Variants in TRIP11 observed in about 807,000 individuals in gnomAD.
TRIP11 encodes the protein thyroid hormone receptor interactor 11, also known as thyroid receptor-interacting protein 11.
TRIP11 carries 148 observed loss-of-function variants against 223.1 expected under a neutral mutation model. The ratio of observed to expected loss-of-function variants is 0.66; its 90% CI spans 0.58 to 0.76. The LOEUF (loss-of-function observed/expected upper bound fraction) is 0.76, where lower values mean the gene tolerates loss of function less well. TRIP11 is among the 30% of genes least tolerant of loss of function. The pLI is 0.00. For synonymous variants in TRIP11, 762 were observed against 772.6 expected (o/e 0.99, Z 0.23); for missense variants, 2,043 against 2,222.0 (o/e 0.92, Z 1.62).
At chr14:92,026,523 T>G in intron 2 of TRIP11, 2 of 1,149,984 alleles carry the variant, frequency 1.7e-6, no homozygotes, top group South Asian at 2.4e-5. Flanking sequence ...GAACTCTCGC[T>G]TTCTTTTTAA....
chr14:91,974,937 G>C (rs1486114665), intron 18 of TRIP11, among the ~76,000 whole-genome samples, 194 bp from the exon 19 acceptor site: 1 of 152,058 alleles, frequency 6.6e-6, no homozygotes, highest in African/African-American at 2.4e-5. Flanking sequence ...GAAAGTCTGG[G>C]GATATTTCAA....
chr14:91,970,832 T>C (rs2056392811), intron 20 of TRIP11, among the ~76,000 whole-genome samples: 1 of 152,224 alleles, frequency 6.6e-6, no homozygotes, highest in East Asian at 1.9e-4. Context: ...TTTTAAATGG[T>C]GTCATCTATG....
At chr14:92,007,450 T>TCACAACA (rs1376132042) in intron 10 of TRIP11, among the ~76,000 whole-genome samples, 190 bp downstream of exon 10, 1 of 152,250 alleles carries the variant, frequency 6.6e-6, no homozygotes, top group Non-Finnish European at 1.5e-5. Context: ...TTTGTTGGTA[T>TCACAACA]CACAACAACA....
At chr14:91,992,842 G>C (rs2056693020) in intron 15 of TRIP11, among the ~76,000 whole-genome samples, 1 of 145,804 alleles carries the variant, frequency 6.9e-6, no homozygotes, top group South Asian at 2.2e-4. Context: ...CCAGGAGGGG[G>C]AGTTTGCAGT....
At chr14:91,986,779 ATGT>A (rs2056609094) in intron 16 of TRIP11, among the ~76,000 whole-genome samples, 1 of 152,208 alleles carries the variant, frequency 6.6e-6, no homozygotes, top group Admixed American at 6.5e-5. Flanking sequence ...CTTCCAGATA[ATGT>A]TGTAGTTGCA....
At chr14:92,010,854 A>G in intron 9 of TRIP11, 132 bp downstream of exon 9, 1 of 871,724 alleles carries the variant, frequency 1.1e-6, no homozygotes, top group Non-Finnish European at 1.9e-6. Flanking sequence ...CCTGAAAAGC[A>G]TCAGTGAGAT....
At chr14:91,993,778 A>T in intron 15 of TRIP11, 31 bp downstream of exon 15, 1 of 1,525,148 alleles carries the variant, frequency 6.6e-7, no homozygotes, top group African/African-American at 1.4e-5. Flanking sequence ...ATGAATAATA[A>T]AACCTACAAG....
chr14:91,972,240 C>T (rs373124421), intron 20 of TRIP11, among the ~76,000 whole-genome samples: 1 of 152,138 alleles, frequency 6.6e-6, no homozygotes, highest in Non-Finnish European at 1.5e-5. Context: ...TGTTAAACTG[C>T]GCTTATATAT....
At chr14:91,987,967 C>T (rs967219487) in intron 16 of TRIP11, among the ~76,000 whole-genome samples, 1 of 152,196 alleles carries the variant, frequency 6.6e-6, no homozygotes, top group Non-Finnish European at 1.5e-5. Flanking sequence ...TGCACGTGAA[C>T]TGATAAGGGA....
intron 9 of TRIP11, among the ~76,000 whole-genome samples, chr14:92,009,534 T>G (rs2056945612): frequency 6.6e-6 from 1 of 152,060 alleles, no homozygotes; most frequent in Non-Finnish European, 1.5e-5. Flanking sequence ...GTCAGTCAGG[T>G]AAAGAGCAGA....
chr14:91,969,301 AC>A lies in TRIP11; in HGVS notation c.*371del. ...TTTATTCTTCGTTTAAAAAAAAAAA[AC>A]ACTCTCTTGATAAACCACAATCTCT... On this transcript the variant is annotated 3_prime_UTR_variant, in exon 21 of 21. Coordinates refer to ENST00000267622, the MANE Select transcript of TRIP11 (RefSeq NM_004239.4). 3.2e-6 allele frequency: 1 copy of A among 310,002 alleles called. No individual in the cohort carries two copies. 19.2% of individuals were successfully genotyped at this position (310,002 alleles called of 1,614,324 possible).
chr14:92,032,439 C>T (rs967104942), intron 2 of TRIP11, among the ~76,000 whole-genome samples: 2 of 152,164 alleles, frequency 1.3e-5, no homozygotes, highest in African/African-American at 4.8e-5. Flanking sequence ...ACATGAGCCA[C>T]TGTGCCTGGC....
At chr14:91,988,598 G>A (rs1320361381) in intron 15 of TRIP11, among the ~76,000 whole-genome samples, 4 of 123,894 alleles carry the variant, frequency 3.2e-5, no homozygotes, top group African/African-American at 1.2e-4. Context: ...AATAAAAAGA[G>A]CAGATGCCAC....
At chr14:92,039,003 T>C (rs181403736) in intron 1 of TRIP11, among the ~76,000 whole-genome samples, 2 of 152,196 alleles carry the variant, frequency 1.3e-5, no homozygotes, top group East Asian at 3.9e-4. Context: ...AAATACATTC[T>C]CAGCTGGAAC....
intron 2 of TRIP11, among the ~76,000 whole-genome samples, chr14:92,029,119 G>T (rs185537503): frequency 2.7e-4 from 41 of 151,824 alleles, no homozygotes; most frequent in Middle Eastern, 3.4e-3. Flanking sequence ...AAAACATTTG[G>T]CTCTTTTACT....
rs1330780434 is a variant in TRIP11, at chr14:92,039,528, C to T, written c.139+19G>A. 1 of 1,612,990 alleles carries T rather than the reference C, an allele frequency of 6.2e-7. No individual in the cohort carries two copies. The highest frequency in any genetic ancestry group is 1.7e-5 in the Admixed American group (1 of 59,996). On this transcript the variant is annotated intron_variant, in intron 1 of 20. Coordinates refer to ENST00000267622, the MANE Select transcript of TRIP11 (RefSeq NM_004239.4). ...CAGGGTCTTAGAAAAGCCCTCCCTT[C>T]CCTCGCTCCAGCTGTTACCTTCCAC... is the stretch of plus-strand genomic sequence containing the variant.
chr14:91,997,456 A>G (rs944591142), intron 13 of TRIP11, among the ~76,000 whole-genome samples: 11 of 152,254 alleles, frequency 7.2e-5, no homozygotes, highest in African/African-American at 2.6e-4. Context: ...CCCTCAAACT[A>G]TAAGACTCAA....
At chr14:92,013,269 A>G (rs1017422361) in intron 7 of TRIP11, among the ~76,000 whole-genome samples, 2 of 152,232 alleles carry the variant, frequency 1.3e-5, no homozygotes, top group Non-Finnish European at 2.9e-5. Flanking sequence ...TCTGTCTCAA[A>G]AAAACAAACA....
intron 10 of TRIP11, 98 bp from the exon 11 acceptor site, chr14:92,006,546 C>G (rs2056905638): frequency 8.0e-7 from 1 of 1,250,538 alleles, no homozygotes; most frequent in African/African-American, 1.5e-5. Flanking sequence ...AAATAATCCT[C>G]AAATATTTCT....
Sources: allele counts gnomAD v4.1 joint callset (sites outside exome capture counted in the v4.1 genomes callset), GRCh38; gene constraint gnomAD v4.1.1; transcripts MANE v1.5; gene names NCBI Gene and HGNC (gene_info 2026-07-23, HGNC 2026-07-21).